TET3: variants seen among roughly 807,000 people sequenced by gnomAD.
TET3 encodes methylcytosine dioxygenase TET3.
In TET3, 19 loss-of-function variants were observed where a neutral mutation model predicts 141.4. That is an observed-to-expected ratio of 0.13 (90% CI 0.09 to 0.20). TET3 has a LOEUF of 0.20. TET3 is among the 10% of genes least tolerant of loss of function. TET3 has a pLI of 1.00. For synonymous variants in TET3, 1,043 were observed against 980.9 expected (o/e 1.06, Z -1.18); for missense variants, 1,874 against 2,356.9 (o/e 0.80, Z 4.24).
At chr2:74,027,529 C>T (rs543154690) in intron 3 of TET3, among the ~76,000 whole-genome samples, 1 of 151,986 alleles carries the variant, frequency 6.6e-6, no homozygotes, top group Non-Finnish European at 1.5e-5. Flanking sequence ...CCTCTTTGTT[C>T]CCCTAACCCC....
the TET3 span, among the ~76,000 whole-genome samples, chr2:74,127,845 A>G: frequency 5.4e-3 from 815 of 152,314 alleles, 5 homozygotes; most frequent in Middle Eastern, 0.01. Flanking sequence ...AGATGAAGAT[A>G]CGTGATACTG....
At chr2:74,030,983 C>CGG (rs200532837) in intron 3 of TET3, among the ~76,000 whole-genome samples, 6 of 151,768 alleles carry the variant, frequency 4.0e-5, no homozygotes, top group African/African-American at 1.5e-4. Flanking sequence ...AAGGGATGTC[C>CGG]GGGGGGGAGT....
Position 73,992,305 on chromosome 2 carries a change from C to CTTTTTTTTTTCTTTTTTTTCTTTCT in TET3, c.303+5609_303+5610insCTTTTTTTTCTTTCTTTTTTTTTTT, listed in dbSNP as rs1553411635. 3.2e-3 allele frequency among the ~76,000 whole-genome samples: 459 copies of CTTTTTTTTTTCTTTTTTTTCTTTCT among 144,096 alleles called. 4 individuals are homozygous for CTTTTTTTTTTCTTTTTTTTCTTTCT. The highest frequency in any genetic ancestry group is 0.01 in the African/African-American group (410 of 39,140). 94.5% of individuals were successfully genotyped at this position (144,096 alleles called of 152,430 possible). A position where few individuals can be genotyped will look rare whatever the true frequency, so the allele number is the denominator to read the frequency against. On this transcript the variant is annotated intron_variant, in intron 2 of 11. Transcript: ENST00000409262. ...CAAAATCACAATCTTTTTTTCTTTT[C>CTTTTTTTTTTCTTTTTTTTCTTTCT]TTTTTTTTTTTTGTTTTGTTTTGTT...
In TET3 at chr2:74,090,554, C is replaced by A. The variant is rs149906731; in HGVS notation, c.3039+507C>A. 7.2e-3 allele frequency among the ~76,000 whole-genome samples: 1,103 copies of A among 152,332 alleles called. 17 individuals carry two copies. The highest frequency in any genetic ancestry group is 0.025 in the African/African-American group (1,050 of 41,570). On this transcript the variant is annotated intron_variant, in intron 8 of 11. Transcript: ENST00000409262. ...TGCAGTCTCCATGCTGGGGGCCTGG[C>A]CTGGTCCCTGGGCTCTGGACTGGTG...
chr2:74,121,574 TGTG>T, the TET3 span: 1 of 152,236 alleles, frequency 6.6e-6, no homozygotes, highest in African/African-American at 2.4e-5. Flanking sequence ...CAGGGTCAGC[TGTG>T]GTGGCAAATT....
chr2:74,066,338 T>G (rs1688898489), intron 4 of TET3, among the ~76,000 whole-genome samples: 1 of 152,166 alleles, frequency 6.6e-6, no homozygotes, highest in South Asian at 2.1e-4. Flanking sequence ...ATATATAAAA[T>G]GAAAACTATT....
Position 74,105,003 on chromosome 2 carries a change from T to TA in TET3, c.*2828dup. The TA allele has an allele frequency of 2.5e-6, 1 of 397,254 alleles. No individual in the cohort carries two copies. Among genetic ancestry groups the TA allele is most frequent in the Non-Finnish European group, 4.4e-6 (1 of 225,758 alleles). 24.6% of individuals were successfully genotyped at this position (397,254 alleles called of 1,614,324 possible). A position where few individuals can be genotyped will look rare whatever the true frequency, so the allele number is the denominator to read the frequency against. On this transcript the variant is annotated 3_prime_UTR_variant, in exon 12 of 12. Transcript: ENST00000409262. ...CTCAGTCATTAAAATTAGCATGCTT[T>TA]AGACATATATTTAAAAAGTAACTAT... is the stretch of plus-strand genomic sequence containing the variant.
intron 3 of TET3, among the ~76,000 whole-genome samples, chr2:74,022,599 C>A (rs1179825085): frequency 1.3e-5 from 2 of 151,140 alleles, no homozygotes; most frequent in Non-Finnish European, 2.9e-5. Context: ...TTGTGCCAGA[C>A]AGAACACAGA....
At chr2:73,990,374 T>G (rs931432265) in intron 2 of TET3, among the ~76,000 whole-genome samples, 2 of 152,108 alleles carry the variant, frequency 1.3e-5, no homozygotes, top group African/African-American at 4.8e-5. Context: ...AATTAAGCGT[T>G]TATCTCAAGG....
intron 6 of TET3, among the ~76,000 whole-genome samples, chr2:74,081,391 A>G (rs1016205589): frequency 3.9e-5 from 6 of 152,240 alleles, no homozygotes; most frequent in South Asian, 2.1e-4. Context: ...CTCGGTCCCT[A>G]TGTTCAAGCT....
chr2:74,110,553 T>A (rs1277573781), downstream of TET3, among the ~76,000 whole-genome samples: 2 of 152,142 alleles, frequency 1.3e-5, no homozygotes, highest in African/African-American at 2.4e-5. Context: ...TAATCCAGTG[T>A]ACATTCTTGT....
Position 74,087,108 on chromosome 2 carries a change from T to C in TET3, c.2680-722T>C, listed in dbSNP as rs914338986. On this transcript the variant is annotated intron_variant, in intron 6 of 11. Coordinates refer to ENST00000409262, the MANE Select transcript of TET3 (RefSeq NM_001287491.2). This position sits in a 1 kb window ranked among gnomAD's most constrained non-coding sequence, Gnocchi z 4.3. ...TGTGTCTGGCTTATTTCACATAGCA[T>C]GTTTTTGGGGTTCATCCATGTTGTA... Among the ~76,000 whole-genome samples the C allele has an allele frequency of 1.3e-5, 2 of 152,176 alleles. No individual in the cohort carries two copies. Among genetic ancestry groups the C allele is most frequent in the African/African-American group, 4.8e-5 (2 of 41,442 alleles).
intron 4 of TET3, among the ~76,000 whole-genome samples, chr2:74,052,643 G>A (rs1021780038): frequency 6.6e-6 from 1 of 151,698 alleles, no homozygotes. Context: ...AGGCAGAGGC[G>A]GGCAGATCAT....
chr2:74,089,508 C>G (rs1213591002), intron 7 of TET3, among the ~76,000 whole-genome samples: 1 of 152,204 alleles, frequency 6.6e-6, no homozygotes, highest in Admixed American at 6.5e-5. Context: ...GAAATAGACA[C>G]GTTCAAACCC....
chr2:73,985,452 C>G (rs991022742), intron 1 of TET3, among the ~76,000 whole-genome samples: 4 of 143,344 alleles, frequency 2.8e-5, no homozygotes, highest in African/African-American at 1.0e-4. Context: ...GCGCGCCCCC[C>G]TCCCCGCGCC....
At chr2:74,040,017 A>G (rs890445443) in intron 3 of TET3, among the ~76,000 whole-genome samples, 1 of 152,228 alleles carries the variant, frequency 6.6e-6, no homozygotes, top group African/African-American at 2.4e-5. Context: ...CAAGTCACAC[A>G]GTAAGAAGAG....
chr2:74,065,087 G>A lies in TET3; in HGVS notation c.2495-8462G>A, dbSNP rs183904406. On this transcript the variant is annotated intron_variant, in intron 4 of 11. Coordinates refer to ENST00000409262, the MANE Select transcript of TET3 (RefSeq NM_001287491.2). ...TATAGTGATAGATCCATCTAAGCAA[G>A]TCTAAAAGCTTTTTCAATGAATATG... 6.7e-4 allele frequency among the ~76,000 whole-genome samples: 102 copies of A among 152,242 alleles called. 5 individuals are homozygous for A. In the East Asian group the frequency reaches 0.011, roughly 17 times the overall value.
At chr2:74,031,436 A>G (rs933238302) in intron 3 of TET3, among the ~76,000 whole-genome samples, 2 of 152,194 alleles carry the variant, frequency 1.3e-5, no homozygotes, top group African/African-American at 4.8e-5. Context: ...CATTGCACCC[A>G]GGCCTTTCAG....
chr2:74,075,067 T>G (rs1240015461), intron 5 of TET3, among the ~76,000 whole-genome samples: 1 of 152,126 alleles, frequency 6.6e-6, no homozygotes, highest in East Asian at 1.9e-4. Context: ...AGATGGGGTT[T>G]CACCGTGTTA....
Sources: allele counts gnomAD v4.1 joint callset (sites outside exome capture counted in the v4.1 genomes callset), GRCh38; gene constraint gnomAD v4.1.1; non-coding constraint Gnocchi (gnomAD v3.1); transcripts MANE v1.5; gene names NCBI Gene and HGNC (gene_info 2026-07-23, HGNC 2026-07-21).